TMC7: variants seen among roughly 807,000 people sequenced by gnomAD.
TMC7 encodes the protein transmembrane channel-like protein 7.
TMC7 carries 54 observed loss-of-function variants against 82.9 expected under a neutral mutation model. The observed-to-expected ratio is 0.65, with a 90% CI of 0.52 to 0.82. The LOEUF (loss-of-function observed/expected upper bound fraction) is 0.82. TMC7 is among the 40% of genes least tolerant of loss of function. The probability of loss-of-function intolerance (pLI) is 0.00; values close to 1 mark genes in which losing one functional copy is unlikely to be tolerated. For missense variants in TMC7, 820 were observed against 901.2 expected (o/e 0.91, Z 1.15); for synonymous variants, 350 against 337.9 (o/e 1.04, Z -0.39).
intron 6 of TMC7, among the ~76,000 whole-genome samples, chr16:19,032,860 C>T (rs186047191): frequency 6.6e-6 from 1 of 152,162 alleles, no homozygotes; most frequent in Non-Finnish European, 1.5e-5. Flanking sequence ...AACTTCTGAC[C>T]TTGTGATCCA....
intron 1 of TMC7, among the ~76,000 whole-genome samples, chr16:18,992,868 T>A (rs1032761652): frequency 6.6e-6 from 1 of 152,184 alleles, no homozygotes; most frequent in African/African-American, 2.4e-5. Context: ...CTTTCCCCAT[T>A]TCTTGTTATT....
chr16:19,004,924 A>G (rs577897166), intron 1 of TMC7, among the ~76,000 whole-genome samples: 1 of 151,408 alleles, frequency 6.6e-6, no homozygotes, highest in East Asian at 1.9e-4. Context: ...GCTGGTCTTG[A>G]ATTCCTGGGC....
intron 5 of TMC7, among the ~76,000 whole-genome samples, chr16:19,026,936 A>AT (rs1960258776): frequency 6.8e-6 from 1 of 147,266 alleles, no homozygotes; most frequent in Non-Finnish European, 1.5e-5. Flanking sequence ...TAATTTTTGT[A>AT]TTTTTAGTAG....
intron 1 of TMC7, among the ~76,000 whole-genome samples, chr16:19,006,574 CCT>C (rs1488948635): frequency 1.1e-4 from 17 of 152,186 alleles, no homozygotes; most frequent in Admixed American, 1.1e-3. Context: ...CCCAGCCACC[CCT>C]CTGACTTTAA....
At chr16:19,029,959 G>A (rs1268519332) in intron 5 of TMC7, among the ~76,000 whole-genome samples, 1 of 151,178 alleles carries the variant, frequency 6.6e-6, no homozygotes, top group Non-Finnish European at 1.5e-5. Flanking sequence ...CAGGAGATCT[G>A]CCCGCTTTGG....
intron 1 of TMC7, among the ~76,000 whole-genome samples, chr16:18,999,998 C>T (rs1428761065): frequency 3.3e-5 from 5 of 151,714 alleles, no homozygotes; most frequent in African/African-American, 1.2e-4. Flanking sequence ...CTCCTGACCT[C>T]GTGATCCACC....
intron 11 of TMC7, among the ~76,000 whole-genome samples, chr16:19,046,422 A>G (rs1265634622): frequency 6.6e-6 from 1 of 152,240 alleles, no homozygotes; most frequent in African/African-American, 2.4e-5. Context: ...AGCTATCACC[A>G]GCATGATTAT....
intron 1 of TMC7, among the ~76,000 whole-genome samples, chr16:18,996,002 G>T (rs930171146): frequency 1.1e-4 from 17 of 152,266 alleles, no homozygotes; most frequent in African/African-American, 4.1e-4. Context: ...TTTGGGAGTG[G>T]TCAGATAAAG....
chr16:19,007,884 T>TCTCA (rs1217568803), intron 1 of TMC7, among the ~76,000 whole-genome samples: 1 of 152,016 alleles, frequency 6.6e-6, no homozygotes, highest in Non-Finnish European at 1.5e-5. Context: ...AACTGCCGCG[T>TCTCA]GAGTAGGGCA....
At chr16:19,020,264 T>C (rs1222362122) in intron 3 of TMC7, among the ~76,000 whole-genome samples, 1 of 152,192 alleles carries the variant, frequency 6.6e-6, no homozygotes, top group Non-Finnish European at 1.5e-5. Context: ...AGCTCTTTCC[T>C]TGAGATTGAG....
intron 1 of TMC7, 105 bp from the exon 2 acceptor site, chr16:19,009,067 C>A: frequency 7.7e-7 from 1 of 1,297,022 alleles, no homozygotes; most frequent in Admixed American, 2.1e-5. Context: ...CTGACCCAGG[C>A]TAGTAACTAT....
intron 10 of TMC7, 97 bp downstream of exon 10, chr16:19,045,098 C>T: frequency 9.7e-7 from 1 of 1,034,068 alleles, no homozygotes; most frequent in South Asian, 1.3e-5. Flanking sequence ...GTTTGAACTG[C>T]ATTTGCTTCG....
intron 12 of TMC7, among the ~76,000 whole-genome samples, chr16:19,048,851 T>C (rs1023372929): frequency 3.3e-5 from 5 of 152,220 alleles, no homozygotes; most frequent in African/African-American, 2.4e-5. Flanking sequence ...GATTACCTGT[T>C]ATGCCAGGCC....
At chr16:19,053,634 C>T (rs187286637) in intron 13 of TMC7, among the ~76,000 whole-genome samples, 25 of 152,226 alleles carry the variant, frequency 1.6e-4, no homozygotes, top group Non-Finnish European at 2.8e-4. Flanking sequence ...AACTCCCGAC[C>T]GCAGGTAATC....
At chr16:19,019,526 A>G (rs1197596333) in intron 3 of TMC7, among the ~76,000 whole-genome samples, 1 of 152,168 alleles carries the variant, frequency 6.6e-6, no homozygotes, top group Non-Finnish European at 1.5e-5. Context: ...TCATTACCTC[A>G]GTTAATCTTC....
At chr16:18,993,540 A>G (rs1300872075) in intron 1 of TMC7, among the ~76,000 whole-genome samples, 1 of 152,218 alleles carries the variant, frequency 6.6e-6, no homozygotes, top group African/African-American at 2.4e-5. Context: ...GAGGGACAGA[A>G]GTTGAAACGC....
At chr16:19,016,352 A>G in intron 2 of TMC7, 98 bp from the exon 3 acceptor site, 1 of 1,455,536 alleles carries the variant, frequency 6.9e-7, no homozygotes, top group African/African-American at 1.4e-5. Context: ...GGCCTCCCAG[A>G]GTGCTGGGAT....
At chr16:19,053,923 T>C (rs1961654721) in intron 13 of TMC7, among the ~76,000 whole-genome samples, 1 of 151,064 alleles carries the variant, frequency 6.6e-6, no homozygotes, top group African/African-American at 2.4e-5. Context: ...GCCCAAGTGA[T>C]CCTCCCACCT....
At chr16:19,054,671 C>T (rs1053134778) in intron 13 of TMC7, among the ~76,000 whole-genome samples, 8 of 149,708 alleles carry the variant, frequency 5.3e-5, no homozygotes, top group Non-Finnish European at 8.9e-5. Flanking sequence ...GCCGAGATTG[C>T]ACCAATGCCA....
Sources: gnomAD v4.1 joint callset for allele counts (sites outside exome capture counted in the v4.1 genomes callset) on GRCh38, gnomAD v4.1.1 for gene constraint, MANE v1.5 for transcripts, NCBI Gene and HGNC (gene_info 2026-07-23, HGNC 2026-07-21) for gene names.